GMDS: variants seen among roughly 807,000 people sequenced by gnomAD.
GMDS encodes the protein GDP-mannose 4,6-dehydratase.
GMDS carries 20 observed loss-of-function variants against 49.9 expected under a neutral mutation model. The observed-to-expected ratio is 0.40, with a 90% CI of 0.28 to 0.58. The LOEUF (loss-of-function observed/expected upper bound fraction) is 0.58, where lower values mean the gene tolerates loss of function less well. Ranked by LOEUF, GMDS falls within the 20% of genes least tolerant of loss-of-function variation. The pLI, the probability that GMDS is intolerant of heterozygous loss-of-function variation, is 0.42. For missense variants in GMDS, 362 were observed against 481.4 expected, an observed-to-expected ratio of 0.75 and a Z score of 2.32; for synonymous variants, 177 against 178.6, an observed-to-expected ratio of 0.99 and a Z score of 0.07.
intron 4 of GMDS, among the ~76,000 whole-genome samples, chr6:2,070,577 T>C (rs1490010145): frequency 6.6e-6 from 1 of 152,156 alleles, no homozygotes; most frequent in Non-Finnish European, 1.5e-5. Context: ...CACTTCTTTA[T>C]ATATGTTATA....
chr6:1,918,023 A>C (rs1761491016), intron 7 of GMDS, among the ~76,000 whole-genome samples: 1 of 152,244 alleles, frequency 6.6e-6, no homozygotes, highest in Non-Finnish European at 1.5e-5. Context: ...GCCACTGTCA[A>C]ATAAATACAT....
At chr6:2,013,310 C>T (rs1767680201) in intron 4 of GMDS, among the ~76,000 whole-genome samples, 1 of 152,112 alleles carries the variant, frequency 6.6e-6, no homozygotes, top group South Asian at 2.1e-4. Flanking sequence ...CAAAACCCAG[C>T]TCATTGTCAG....
At chr6:2,091,741 A>T (rs9392365) in intron 4 of GMDS, among the ~76,000 whole-genome samples, 29,282 of 151,164 alleles carry the variant, frequency 0.19, 3,031 homozygotes, top group Admixed American at 0.22. Context: ...AAAGAAAAAA[A>T]TTTTTTTTTT....
intron 1 of GMDS, among the ~76,000 whole-genome samples, chr6:2,155,513 A>C (rs984898312): frequency 2.6e-5 from 4 of 152,144 alleles, no homozygotes; most frequent in African/African-American, 9.7e-5. Flanking sequence ...AAAAGGAAGC[A>C]TTTTACTTCC....
intron 1 of GMDS, among the ~76,000 whole-genome samples, chr6:2,206,915 T>C (rs1779832752): frequency 6.6e-6 from 1 of 152,146 alleles, no homozygotes; most frequent in Admixed American, 6.5e-5. Context: ...ATCAGAGCCA[T>C]GAAGGGAGAA....
At chr6:1,963,181 C>CT (rs75060505) in intron 4 of GMDS, among the ~76,000 whole-genome samples, 5,742 of 143,384 alleles carry the variant, frequency 0.04, 105 homozygotes, top group African/African-American at 0.051. Flanking sequence ...AGCCTACTTC[C>CT]TTTTTTTTTT....
intron 9 of GMDS, among the ~76,000 whole-genome samples, chr6:1,666,186 G>A (rs768574793): frequency 2.6e-5 from 4 of 152,196 alleles, no homozygotes; most frequent in Non-Finnish European, 2.9e-5. Flanking sequence ...GGCCGTGAGA[G>A]TCCCTGAGGG....
intron 7 of GMDS, among the ~76,000 whole-genome samples, chr6:1,764,535 G>T (rs181654468): frequency 6.6e-6 from 1 of 152,234 alleles, no homozygotes; most frequent in African/African-American, 2.4e-5. Flanking sequence ...TATCCCATCA[G>T]ATAATATGTT....
chr6:1,757,313 C>G (rs1404673858), intron 7 of GMDS, among the ~76,000 whole-genome samples: 1 of 152,132 alleles, frequency 6.6e-6, no homozygotes, highest in Non-Finnish European at 1.5e-5. Flanking sequence ...AACGTACTTC[C>G]CAGAAGTGGT....
chr6:2,082,080 TACAA>T (rs1772740049), intron 4 of GMDS, among the ~76,000 whole-genome samples: 1 of 152,168 alleles, frequency 6.6e-6, no homozygotes, highest in Non-Finnish European at 1.5e-5. Context: ...ATCCCAGCTA[TACAA>T]ACAATTATAT....
At chr6:1,889,791 C>T (rs139369847) in intron 7 of GMDS, among the ~76,000 whole-genome samples, 136 of 152,258 alleles carry the variant, frequency 8.9e-4, no homozygotes, top group Non-Finnish European at 2.6e-4. Context: ...ACCTAGCCCA[C>T]GGCAACTACA....
At chr6:2,197,824 C>T (rs1041888714) in intron 1 of GMDS, among the ~76,000 whole-genome samples, 3 of 152,174 alleles carry the variant, frequency 2.0e-5, no homozygotes, top group Admixed American at 1.3e-4. Flanking sequence ...ATGGAAGCCA[C>T]GTTCTCACAG....
At chr6:1,670,751 A>G (rs2814811) in intron 9 of GMDS, among the ~76,000 whole-genome samples, 79,854 of 152,000 alleles carry the variant, frequency 0.53, 21,696 homozygotes, top group East Asian at 0.68. Context: ...CTTCAGCCAT[A>G]CTTTTAGTTT....
chr6:2,111,966 C>T (rs546152396), intron 4 of GMDS, among the ~76,000 whole-genome samples: 1 of 152,334 alleles, frequency 6.6e-6, no homozygotes, highest in East Asian at 1.9e-4. Flanking sequence ...GGGAACACAG[C>T]AGCATGCTGC....
chr6:2,213,207 C>A (rs1780153851), intron 1 of GMDS, among the ~76,000 whole-genome samples: 1 of 152,214 alleles, frequency 6.6e-6, no homozygotes, highest in African/African-American at 2.4e-5. Context: ...CCTTTTTAGA[C>A]TGTCCTGACT....
chr6:1,717,312 G>A (rs1766210082), intron 9 of GMDS, among the ~76,000 whole-genome samples: 1 of 152,338 alleles, frequency 6.6e-6, no homozygotes, highest in South Asian at 2.1e-4. Flanking sequence ...TGGCTCTAGG[G>A]AGCAAGTACA....
At chr6:1,699,390 G>A (rs1345430729) in intron 9 of GMDS, among the ~76,000 whole-genome samples, 4 of 152,078 alleles carry the variant, frequency 2.6e-5, no homozygotes, top group Non-Finnish European at 4.4e-5. Flanking sequence ...AACTGTGGAG[G>A]TTGCTGAGAG....
rs568806743 is a variant in GMDS at position 1,698,157 on chromosome 6, A to G, written c.987+28259T>C. On this transcript the variant is annotated intron_variant, in intron 9 of 10. Coordinates refer to ENST00000380815, the MANE Select transcript of GMDS (RefSeq NM_001500.4). ...GGCGCTCTGGGGCCGGACTCCAGTA[A>G]TAACAGCCTCCTGGGGAGATTAAAG... 5.3e-5 allele frequency among the ~76,000 whole-genome samples: 8 copies of G among 152,342 alleles called. No homozygotes were observed. The South Asian group carries it at 1.2e-3, about 24-fold the overall frequency.
chr6:2,040,019 C>T (rs1220386296), intron 4 of GMDS, among the ~76,000 whole-genome samples: 1 of 152,202 alleles, frequency 6.6e-6, no homozygotes, highest in Non-Finnish European at 1.5e-5. Flanking sequence ...ACAATGGCAA[C>T]ATCACTAGGT....
Sources: allele counts gnomAD v4.1 joint callset (sites outside exome capture counted in the v4.1 genomes callset), GRCh38; gene constraint gnomAD v4.1.1; transcripts MANE v1.5; gene names NCBI Gene and HGNC (gene_info 2026-07-23, HGNC 2026-07-21).